HIVEP2: variants seen among roughly 807,000 people sequenced by gnomAD.
HIVEP2 encodes HIVEP zinc finger 2, also known as transcription factor HIVEP2.
HIVEP2 carries 14 observed loss-of-function variants against 180.7 expected under a neutral mutation model. The ratio of observed to expected loss-of-function variants is 0.08; its 90% CI spans 0.05 to 0.12. The LOEUF (loss-of-function observed/expected upper bound fraction) is 0.12, where lower values mean the gene tolerates loss of function less well. Among genes scored for constraint, HIVEP2 ranks in the 10% least tolerant of loss-of-function variants. The probability of loss-of-function intolerance (pLI) is 1.00; values close to 1 mark genes in which losing one functional copy is unlikely to be tolerated. For synonymous variants in HIVEP2, 1,184 were observed against 1,136.4 expected (o/e 1.04, Z -0.84); for missense variants, 2,579 against 3,008.5 (o/e 0.86, Z 3.34).
At chr6:142,907,473 G>A (rs760956216) in intron 1 of HIVEP2, among the ~76,000 whole-genome samples, 1 of 152,166 alleles carries the variant, frequency 6.6e-6, no homozygotes, top group Non-Finnish European at 1.5e-5. Context: ...AACAGTACCA[G>A]ATAGTGAATA....
At chr6:142,809,387 C>T (rs893272365) in intron 2 of HIVEP2, among the ~76,000 whole-genome samples, 1 of 152,098 alleles carries the variant, frequency 6.6e-6, no homozygotes, top group Non-Finnish European at 1.5e-5. Context: ...GGGCACACAC[C>T]CCTTTAAGAT....
In HIVEP2 at chr6:142,771,360, G is replaced by A; in HGVS notation, c.3379C>T (p.Leu1127=). Reference sequence around the variant, plus strand: ...GGGTCCTCTTGCTGAAGAGGAGGCAGCACAGCAGGCGGGCCATGGTGCCAC... The same window carrying A: ...GGGTCCTCTTGCTGAAGAGGAGGCAACACAGCAGGCGGGCCATGGTGCCAC... ...SGWHHGPPAV[L]PPLQQEDPGK... is the part of the protein sequence containing the mutation. The change falls in exon 5 of 10, where the codon CTG becomes TTG. Residue 1127 remains leucine, a synonymous_variant. Transcript: ENST00000367603. This position sits in a 1 kb window ranked among gnomAD's most constrained non-coding sequence, Gnocchi z 5.4. 1 of 1,612,820 alleles carries A rather than the reference G, an allele frequency of 6.2e-7. No individual in the cohort carries two copies. The highest frequency in any genetic ancestry group is 8.5e-7 in the Non-Finnish European group (1 of 1,179,950).
intron 1 of HIVEP2, among the ~76,000 whole-genome samples, chr6:142,864,934 A>G (rs1776098409): frequency 6.6e-6 from 1 of 152,200 alleles, no homozygotes; most frequent in Admixed American, 6.5e-5. Flanking sequence ...TTCTCACATA[A>G]CAAAAGTTAA....
chr6:142,816,925 C>T (rs2114813826), intron 2 of HIVEP2, among the ~76,000 whole-genome samples: 1 of 152,048 alleles, frequency 6.6e-6, no homozygotes, highest in Non-Finnish European at 1.5e-5. Flanking sequence ...CACAAACACG[C>T]TATCTCTCTC....
At chr6:142,885,110 A>G (rs1776664048) in intron 1 of HIVEP2, among the ~76,000 whole-genome samples, 1 of 152,146 alleles carries the variant, frequency 6.6e-6, no homozygotes, top group African/African-American at 2.4e-5. Flanking sequence ...ACTGATTTGG[A>G]AAACAAAATC....
rs1778221422 is a variant in HIVEP2 at position 142,943,193 on chromosome 6, C to T, written c.-641+1906G>A. On this transcript the variant is annotated intron_variant, in intron 1 of 9. Transcript: ENST00000367603. The surrounding 1 kb of genome is among the most constrained non-coding windows in gnomAD (Gnocchi z 4.5). Reference sequence around the variant, plus strand: ...TTTCTGTTCTGATAAACCATTTGGCCTATATCCTAAAAATCAAACCCAATC... The same window carrying T: ...TTTCTGTTCTGATAAACCATTTGGCTTATATCCTAAAAATCAAACCCAATC... 2.0e-5 allele frequency among the ~76,000 whole-genome samples: 3 copies of T among 152,096 alleles called. No homozygotes were observed. The highest frequency in any genetic ancestry group is 2.0e-4 in the Admixed American group (3 of 15,272).
intron 2 of HIVEP2, among the ~76,000 whole-genome samples, chr6:142,815,458 C>A (rs2114808939): frequency 6.6e-6 from 1 of 152,254 alleles, no homozygotes; most frequent in Non-Finnish European, 1.5e-5. Flanking sequence ...TAAATGTCTA[C>A]TGAAATTGCC....
At position 142,774,917 on chromosome 6, in the gene HIVEP2, GC is replaced by G; in HGVS notation, c.-180del. 6.8e-7 allele frequency: 1 copy of G among 1,460,640 alleles called. No individual in the cohort carries two copies. The highest frequency in any genetic ancestry group is 9.0e-7 in the Non-Finnish European group (1 of 1,113,528). 90.5% of individuals were successfully genotyped at this position (1,460,640 alleles called of 1,614,324 possible). A position where few individuals can be genotyped will look rare whatever the true frequency, so the allele number is the denominator to read the frequency against. On this transcript the variant is annotated 5_prime_UTR_variant, in exon 5 of 10. Transcript: ENST00000367603. This position sits in a 1 kb window ranked among gnomAD's most constrained non-coding sequence, Gnocchi z 5.1. Reference sequence around the variant, plus strand: ...CGCACACCACAGTCGATGGGCATTAGCTAGTAATGTCCTTGGACCAGGGCTA... The same window carrying G: ...CGCACACCACAGTCGATGGGCATTAGTAGTAATGTCCTTGGACCAGGGCTA...
At chr6:142,792,996 G>A (rs1022075133) in intron 2 of HIVEP2, among the ~76,000 whole-genome samples, 2 of 152,102 alleles carry the variant, frequency 1.3e-5, no homozygotes, top group Non-Finnish European at 2.9e-5. Context: ...GTGCTAGAGG[G>A]GCTTGATGAG....
In HIVEP2 at chr6:142,793,622, C is replaced by CTCTT. The variant is rs753217978; in HGVS notation, c.-527-10011_-527-10008dup. Reference sequence around the variant, plus strand: ...CCCCTCCCACCTCCCATCCTTCCTTCTCTTTCTTTCTTTCTTTCTTTCTTT... The same window carrying CTCTT: ...CCCCTCCCACCTCCCATCCTTCCTTCTCTTTCTTTCTTTCTTTCTTTCTTTCTTT... On this transcript the variant is annotated intron_variant, in intron 2 of 9. Coordinates refer to ENST00000367603, the MANE Select transcript of HIVEP2 (RefSeq NM_006734.4). Among the ~76,000 whole-genome samples the CTCTT allele has an allele frequency of 6.9e-3, 347 of 50,344 alleles. 2 individuals carry two copies. The highest frequency in any genetic ancestry group is 0.015 in the Middle Eastern group (1 of 68). The allele number at this position is 50,344 out of a possible 152,430, so 33.0% of individuals were successfully genotyped here.
intron 1 of HIVEP2, among the ~76,000 whole-genome samples, chr6:142,875,112 G>A (rs556346098): frequency 7.9e-5 from 12 of 152,152 alleles, no homozygotes; most frequent in Non-Finnish European, 1.8e-4. Context: ...CTGAACTAGG[G>A]ATGGATTAAG....
At chr6:142,881,914 C>T (rs1776582395) in intron 1 of HIVEP2, among the ~76,000 whole-genome samples, 1 of 152,192 alleles carries the variant, frequency 6.6e-6, no homozygotes, top group South Asian at 2.1e-4. Flanking sequence ...ACATCAGTTA[C>T]TGATGGCCAC....
chr6:142,858,367 A>G (rs757132130), intron 1 of HIVEP2, among the ~76,000 whole-genome samples: 3 of 151,772 alleles, frequency 2.0e-5, no homozygotes, highest in Admixed American at 6.6e-5. Context: ...CACAGGCATG[A>G]GTGCTGGGCA....
chr6:142,924,013 T>C (rs979000264), intron 1 of HIVEP2, among the ~76,000 whole-genome samples: 20 of 152,338 alleles, frequency 1.3e-4, no homozygotes, highest in African/African-American at 4.6e-4. Flanking sequence ...CTTTGCTAAA[T>C]GTCTTCTTTT....
intron 2 of HIVEP2, among the ~76,000 whole-genome samples, chr6:142,809,817 CT>C (rs777537738): frequency 6.6e-6 from 1 of 152,136 alleles, no homozygotes; most frequent in Non-Finnish European, 1.5e-5. Flanking sequence ...TGGTCTTGAA[CT>C]CCTGACCTCA....
intron 1 of HIVEP2, among the ~76,000 whole-genome samples, chr6:142,850,895 A>C (rs1469755059): frequency 3.9e-5 from 6 of 152,262 alleles, no homozygotes; most frequent in Non-Finnish European, 7.3e-5. Flanking sequence ...GAAAACAGTC[A>C]CTTTGAAAAT....
At chr6:142,786,178 A>G (rs1775993423) in intron 2 of HIVEP2, among the ~76,000 whole-genome samples, 1 of 152,220 alleles carries the variant, frequency 6.6e-6, no homozygotes, top group African/African-American at 2.4e-5. Flanking sequence ...TTGAGAATGT[A>G]CTATGACAAC....
chr6:142,765,621 G>T (rs964137643), intron 6 of HIVEP2, among the ~76,000 whole-genome samples: 3 of 152,150 alleles, frequency 2.0e-5, no homozygotes, highest in Non-Finnish European at 4.4e-5. Context: ...ATTTCAACTA[G>T]CTTCTTCAAG....
At chr6:142,757,395 T>A (rs913951727) in intron 9 of HIVEP2, among the ~76,000 whole-genome samples, 2 of 152,184 alleles carry the variant, frequency 1.3e-5, no homozygotes, top group African/African-American at 4.8e-5. Flanking sequence ...GTGCGATGGC[T>A]CACACCTGTA....
Sources: gnomAD v4.1 joint callset for allele counts (sites outside exome capture counted in the v4.1 genomes callset) on GRCh38, gnomAD v4.1.1 for gene constraint, Gnocchi (gnomAD v3.1) non-coding constraint, MANE v1.5 for transcripts, NCBI Gene and HGNC (gene_info 2026-07-23, HGNC 2026-07-21) for gene names.